RAPGEF4: variants seen among roughly 807,000 people sequenced by gnomAD.
The protein encoded by RAPGEF4 is Rap guanine nucleotide exchange factor 4.
In RAPGEF4, 66 loss-of-function variants were observed where a neutral mutation model predicts 147.9. The observed-to-expected ratio is 0.45, with a 90% CI of 0.37 to 0.55. The LOEUF is 0.55. Ranked by LOEUF, RAPGEF4 falls within the 20% of genes least tolerant of loss-of-function variation. The pLI is 0.00. For missense variants in RAPGEF4, 1,071 were observed against 1,257.3 expected (o/e 0.85, Z 2.24); for synonymous variants, 419 against 442.7 (o/e 0.95, Z 0.67).
At chr2:172,887,690 T>C (rs1201877736) in intron 4 of RAPGEF4, among the ~76,000 whole-genome samples, 1 of 152,226 alleles carries the variant, frequency 6.6e-6, no homozygotes, top group Admixed American at 6.5e-5. Context: ...TGATCGCTGC[T>C]GCAGGAAGCC....
chr2:172,914,839 C>T (rs900032450), intron 4 of RAPGEF4, among the ~76,000 whole-genome samples: 11 of 152,086 alleles, frequency 7.2e-5, no homozygotes, highest in South Asian at 2.1e-4. Context: ...AATTATATTG[C>T]GCTGTAGTTT....
chr2:172,999,453 G>A (rs537207512), intron 16 of RAPGEF4, among the ~76,000 whole-genome samples: 27 of 152,290 alleles, frequency 1.8e-4, no homozygotes, highest in African/African-American at 6.3e-4. Flanking sequence ...CAGAGTTACC[G>A]TGAAAGTTGT....
rs748113177 is a variant in RAPGEF4, at chr2:173,027,154, G to A, written c.2453G>A (p.Arg818Lys). 1.2e-5 allele frequency: 20 copies of A among 1,613,586 alleles called. No homozygotes were observed. Among genetic ancestry groups the A allele is most frequent in the Non-Finnish European group, 1.7e-5 (20 of 1,179,756 alleles). The stretch of plus-strand genomic sequence containing the variant: ...ACAGCAAACTTGGATTTGTTCCTGA[G>A]GAGATTTAATGAAATTCAGTTTTGG... ...KTTANLDLFL[R>K]RFNEIQFWVV... The change falls in exon 25 of 31, where the codon AGG becomes AAG. Residue 818 changes from arginine (R) to lysine (K), a missense_variant. By Grantham distance (26) the Arg-to-Lys change is conservative. Transcript: ENST00000397081.
chr2:172,888,498 G>C (rs1697506048), intron 4 of RAPGEF4, among the ~76,000 whole-genome samples: 1 of 152,260 alleles, frequency 6.6e-6, no homozygotes, highest in Non-Finnish European at 1.5e-5. Context: ...TTTGTTGGTG[G>C]ACCAACTTCT....
chr2:172,990,328 A>G (rs906446149), intron 14 of RAPGEF4, among the ~76,000 whole-genome samples: 3 of 152,218 alleles, frequency 2.0e-5, no homozygotes, highest in African/African-American at 7.2e-5. Context: ...AAATAACCAA[A>G]AATAGTTTTT....
chr2:172,810,591 G>A (rs776199582), intron 3 of RAPGEF4, among the ~76,000 whole-genome samples: 2 of 152,226 alleles, frequency 1.3e-5, no homozygotes, highest in Non-Finnish European at 2.9e-5. Flanking sequence ...GCCAGATGGC[G>A]TGTCGGTGAT....
At chr2:172,931,983 C>T (rs1206411509) in intron 6 of RAPGEF4, among the ~76,000 whole-genome samples, 3 of 133,364 alleles carry the variant, frequency 2.2e-5, no homozygotes, top group Middle Eastern at 4.0e-3. Flanking sequence ...TCCCATGCGC[C>T]CCCCACCCCC....
chr2:172,907,733 C>A (rs1699763079), intron 4 of RAPGEF4, among the ~76,000 whole-genome samples: 1 of 152,180 alleles, frequency 6.6e-6, no homozygotes, highest in African/African-American at 2.4e-5. Context: ...AATATTCTTT[C>A]TCAAAGCTGG....
intron 1 of RAPGEF4, among the ~76,000 whole-genome samples, chr2:172,758,020 A>G (rs1226829789): frequency 6.6e-6 from 1 of 151,866 alleles, no homozygotes; most frequent in Non-Finnish European, 1.5e-5. Flanking sequence ...TATGGAAGAA[A>G]AAACCCCAAA....
Position 172,767,171 on chromosome 2 carries a change from A to G in RAPGEF4, c.66-27854A>G, listed in dbSNP as rs1574761205. ...TAAATAAACATATAAACAAAGATAAACACTCTATTTTTTTTTTTTTTTTTG... is the reference window on the plus strand; with the variant it reads ...TAAATAAACATATAAACAAAGATAAGCACTCTATTTTTTTTTTTTTTTTTG... On this transcript the variant is annotated intron_variant, in intron 1 of 30. Coordinates refer to ENST00000397081, the MANE Select transcript of RAPGEF4 (RefSeq NM_007023.4). Among the ~76,000 whole-genome samples, 2 of 151,580 alleles carry G rather than the reference A, an allele frequency of 1.3e-5. 1 individual carries two copies. The highest frequency in any genetic ancestry group is 6.9e-3 in the Middle Eastern group (2 of 290).
chr2:172,999,658 A>G (rs1224681849), intron 16 of RAPGEF4, among the ~76,000 whole-genome samples: 1 of 152,234 alleles, frequency 6.6e-6, no homozygotes, highest in Non-Finnish European at 1.5e-5. Context: ...ATTTTAACCT[A>G]TAAATTAGAT....
At chr2:172,960,975 CA>C in intron 7 of RAPGEF4, 146 bp from the exon 8 acceptor site, 2 of 817,016 alleles carry the variant, frequency 2.4e-6, no homozygotes, top group Non-Finnish European at 4.0e-6. Context: ...AGTGACATAT[CA>C]CACAAGTGAA....
rs1252291074 is a variant in RAPGEF4 at position 172,766,650 on chromosome 2, C to A, written c.66-28375C>A. 3.3e-5 allele frequency among the ~76,000 whole-genome samples: 5 copies of A among 152,176 alleles called. No homozygotes were observed. In the South Asian group the frequency reaches 6.2e-4, roughly 19 times the overall value. ...CCCATCACCCCTAAGTCCCCTGGGGCCTCGTTATGTTCCCTGCCTCCAGCC... is the reference window on the plus strand; with the variant it reads ...CCCATCACCCCTAAGTCCCCTGGGGACTCGTTATGTTCCCTGCCTCCAGCC... On this transcript the variant is annotated intron_variant, in intron 1 of 30. Coordinates refer to ENST00000397081, the MANE Select transcript of RAPGEF4 (RefSeq NM_007023.4).
intron 6 of RAPGEF4, among the ~76,000 whole-genome samples, chr2:172,951,102 A>G (rs1014318245): frequency 6.6e-6 from 1 of 152,240 alleles, no homozygotes; most frequent in Non-Finnish European, 1.5e-5. Context: ...GATTTTGTGC[A>G]TCATTTTATC....
chr2:173,034,562 A>G (rs777121075), intron 27 of RAPGEF4, among the ~76,000 whole-genome samples: 4 of 152,186 alleles, frequency 2.6e-5, no homozygotes, highest in Non-Finnish European at 4.4e-5. Context: ...TTTTTATGCC[A>G]TAAGTGAAGT....
chr2:172,914,178 A>G (rs983197418), intron 4 of RAPGEF4, among the ~76,000 whole-genome samples: 2 of 152,156 alleles, frequency 1.3e-5, no homozygotes, highest in African/African-American at 4.8e-5. Context: ...ACTAATGGAC[A>G]TTTGAGTAAT....
At chr2:172,825,926 T>G (rs561502593) in intron 4 of RAPGEF4, among the ~76,000 whole-genome samples, 78 of 152,382 alleles carry the variant, frequency 5.1e-4, no homozygotes, top group African/African-American at 1.8e-3. Flanking sequence ...CTCATTTGCT[T>G]CAAAAATTTA....
At chr2:172,999,619 A>G (rs992274283) in intron 16 of RAPGEF4, among the ~76,000 whole-genome samples, 4 of 152,250 alleles carry the variant, frequency 2.6e-5, no homozygotes, top group African/African-American at 7.2e-5. Context: ...TCTAGTAGGA[A>G]GTGATGTTTT....
At chr2:172,918,881 C>G (rs191708923) in intron 5 of RAPGEF4, among the ~76,000 whole-genome samples, 1 of 152,146 alleles carries the variant, frequency 6.6e-6, no homozygotes, top group African/African-American at 2.4e-5. Flanking sequence ...CTAGAATTCC[C>G]ACCCTCCCTC....
Sources: allele counts gnomAD v4.1 joint callset (sites outside exome capture counted in the v4.1 genomes callset), GRCh38; gene constraint gnomAD v4.1.1; transcripts MANE v1.5; gene names NCBI Gene and HGNC (gene_info 2026-07-23, HGNC 2026-07-21).